The following POLR3C variants were observed in gnomAD, a reference collection of about 807,000 sequenced individuals.
POLR3C encodes the protein RNA polymerase III subunit C.
Under a neutral mutation model 65.9 loss-of-function variants are expected in POLR3C, and 44 were observed. That is an observed-to-expected ratio of 0.67 (90% CI 0.52 to 0.86). POLR3C has a LOEUF of 0.86. Among genes scored for constraint, POLR3C ranks in the 40% least tolerant of loss-of-function variants. The probability of loss-of-function intolerance (pLI) is 0.00; values close to 1 mark genes in which losing one functional copy is unlikely to be tolerated. For missense variants in POLR3C, 576 were observed against 653.2 expected, an observed-to-expected ratio of 0.88 and a Z score of 1.29; for synonymous variants, 263 against 231.6, an observed-to-expected ratio of 1.14 and a Z score of -1.23.
At chr1:145,835,693 C>T (rs144432379) in intron 7 of POLR3C, among the ~76,000 whole-genome samples, 2 of 152,044 alleles carry the variant, frequency 1.3e-5, no homozygotes, top group East Asian at 3.9e-4. Context: ...TCCTGCTCAT[C>T]CTTCCGAGTA....
At position 145,826,526 on chromosome 1, in the gene POLR3C, G is replaced by A. The variant is rs1650762476; in HGVS notation, c.220G>A (p.Glu74Lys). ...TCAAGTGCACAAACGTGGTGTGGTG[G>A]AGTATGAAGCCCAGTGCAGCCGGGT... Reference protein sequence around the residue: ...SYQVHKRGVVEYEAQCSRVLR... With the variant: ...SYQVHKRGVVKYEAQCSRVLR... Residue 74 changes from glutamate to lysine, a missense_variant, in exon 3 of 15, where the codon GAG (glutamate) becomes AAG (lysine). By Grantham distance (56) the Glu-to-Lys change is moderately conservative. Coordinates refer to ENST00000334163, the MANE Select transcript of POLR3C (RefSeq NM_006468.8). The A allele has an allele frequency of 6.2e-7, 1 of 1,613,892 alleles. No individual in the cohort carries two copies. The highest frequency in any genetic ancestry group is 8.5e-7 in the Non-Finnish European group (1 of 1,179,976).
intron 13 of POLR3C, among the ~76,000 whole-genome samples, chr1:145,840,585 G>A (rs1247029025): frequency 1.3e-5 from 2 of 152,040 alleles, no homozygotes; most frequent in Non-Finnish European, 2.9e-5. Flanking sequence ...AGTAGAGATA[G>A]CAACCAGTCT....
rs782173122 is a variant in POLR3C at position 145,842,389 on chromosome 1, C to T, written c.1574C>T (p.Ser525Phe). 3 of 1,611,166 alleles carry T rather than the reference C, an allele frequency of 1.9e-6. No homozygotes were observed. Among genetic ancestry groups the T allele is most frequent in the Non-Finnish European group, 2.5e-6 (3 of 1,177,850 alleles). Residue 525 changes from serine (S) to phenylalanine (F), a missense_variant, in exon 15 of 15, where the codon TCT (serine) becomes TTT (phenylalanine). Coordinates refer to ENST00000334163, the MANE Select transcript of POLR3C (RefSeq NM_006468.8). ...QVDETIFLLE[S>F]YIECTMKRQ ...GACGAAACCATCTTCCTGCTGGAGT[C>T]TTACATTGAGTGCACCATGAAGAGA...
At chr1:145,824,928 A>G (rs1650579721) in intron 1 of POLR3C, among the ~76,000 whole-genome samples, 1 of 152,142 alleles carries the variant, frequency 6.6e-6, no homozygotes, top group African/African-American at 2.4e-5. Flanking sequence ...AAGGTCTGTG[A>G]CAGACCGCAA....
chr1:145,843,906 C>T lies in POLR3C; in HGVS notation c.*1486C>T, dbSNP rs145897960. 4.1e-4 allele frequency among the ~76,000 whole-genome samples: 62 copies of T among 152,122 alleles called. No individual in the cohort carries two copies. The highest frequency in any genetic ancestry group is 1.5e-3 in the African/African-American group (61 of 41,464). On this transcript the variant is annotated 3_prime_UTR_variant, in exon 15 of 15. Transcript: ENST00000334163. ...TTTCGAAAGAAGATACACAAATGGC[C>T]GACAGATACATCAAAAAATGTTCAA... is the stretch of plus-strand genomic sequence containing the variant.
Position 145,826,892 on chromosome 1 carries a change from G to A in POLR3C, c.476G>A (p.Arg159His), listed in dbSNP as rs200282639. ...CTGGCAGACACACACTTTGTACAAC[G>A]CTGCCCTTCGGTACCTACCACTGAG... ...VRLADTHFVQ[R>H]CPSVPTTENS... Residue 159 changes from arginine to histidine, a missense_variant, in exon 4 of 15, where the codon CGC becomes CAC. Coordinates refer to ENST00000334163, the MANE Select transcript of POLR3C (RefSeq NM_006468.8). 6.6e-5 allele frequency: 106 copies of A among 1,613,296 alleles called. No individual in the cohort carries two copies. Among genetic ancestry groups the A allele is most frequent in the Admixed American group, 5.0e-4 (30 of 59,768 alleles).
intron 14 of POLR3C, 29 bp from the exon 15 acceptor site, chr1:145,842,310 C>T: frequency 7.2e-7 from 1 of 1,397,232 alleles, no homozygotes; most frequent in Non-Finnish European, 1.0e-6. Context: ...AACATTCAGT[C>T]TAGGCAAATG....
At position 145,843,839 on chromosome 1, in the gene POLR3C, ACAATC is replaced by A. The variant is rs1371993022; in HGVS notation, c.*1423_*1427del. 6.6e-6 allele frequency among the ~76,000 whole-genome samples: 1 copy of A among 152,214 alleles called. No individual in the cohort carries two copies. Among genetic ancestry groups the A allele is most frequent in the African/African-American group, 2.4e-5 (1 of 41,460 alleles). On this transcript the variant is annotated 3_prime_UTR_variant, in exon 15 of 15. Transcript: ENST00000334163. The stretch of plus-strand genomic sequence containing the variant: ...AGGAGCTCAAACAATAGCAAAAAGA[ACAATC>A]CAACTTAAAAATGGCCAAAAGATCT...
rs199759380 is a variant in POLR3C, at chr1:145,837,632, C to T, written c.1070+36C>T. ...CACTGGTTGGGTTTGGGATCACATACTTCCTATCCCCAGTGAAGTAATTTG... is the reference window on the plus strand; with the variant it reads ...CACTGGTTGGGTTTGGGATCACATATTTCCTATCCCCAGTGAAGTAATTTG... On this transcript the variant is annotated intron_variant, in intron 10 of 14. Transcript: ENST00000334163. 883 of 1,290,592 alleles carry T rather than the reference C, an allele frequency of 6.8e-4. 2 individuals carry two copies. The highest frequency in any genetic ancestry group is 2.2e-3 in the Middle Eastern group (12 of 5,492). The allele number at this position is 1,290,592 out of a possible 1,614,324, so 79.9% of individuals were successfully genotyped here. A position where few individuals can be genotyped will look rare whatever the true frequency, so the allele number is the denominator to read the frequency against.
intron 14 of POLR3C, among the ~76,000 whole-genome samples, chr1:145,841,753 A>G (rs1454416709): frequency 2.0e-5 from 3 of 151,776 alleles, no homozygotes; most frequent in Non-Finnish European, 4.4e-5. Flanking sequence ...TCATCCATGA[A>G]TAGAGAGAGT....
rs1650999665 is a variant in POLR3C, at chr1:145,828,685, A to ATGTT, written c.590-61_590-58dup. 3.5e-6 allele frequency: 4 copies of ATGTT among 1,132,680 alleles called. No homozygotes were observed. The Admixed American group carries it at 5.1e-5, about 14-fold the overall frequency. 70.2% of individuals were successfully genotyped at this position (1,132,680 alleles called of 1,614,324 possible). On this transcript the variant is annotated intron_variant, in intron 4 of 14. Transcript: ENST00000334163. ...TTTGGAATGAAAGACACCTGCTCTC[A>ATGTT]TGTTTGGTCATTTCCTGTCATCATA...
intron 7 of POLR3C, among the ~76,000 whole-genome samples, chr1:145,835,881 AT>A (rs1441427854): frequency 1.3e-5 from 2 of 152,258 alleles, no homozygotes; most frequent in Admixed American, 1.3e-4. Flanking sequence ...CAACCTAGTC[AT>A]ACTGTTCTAT....
At chr1:145,835,730 C>A (rs1474999219) in intron 7 of POLR3C, among the ~76,000 whole-genome samples, 1 of 151,988 alleles carries the variant, frequency 6.6e-6, no homozygotes, top group African/African-American at 2.4e-5. Flanking sequence ...CATGCCACCA[C>A]GCCAGGCTAA....
At chr1:145,839,816 G>T in intron 11 of POLR3C, 74 bp from the exon 12 acceptor site, 1 of 807,394 alleles carries the variant, frequency 1.2e-6, no homozygotes, top group South Asian at 1.5e-5. Context: ...GTAACTCCAG[G>T]TAGAATGAGT....
intron 5 of POLR3C, among the ~76,000 whole-genome samples, chr1:145,831,759 C>T (rs1553727252): frequency 2.0e-5 from 3 of 152,092 alleles, no homozygotes; most frequent in Admixed American, 6.6e-5. Context: ...AAAATGGTGT[C>T]GGCCAGGCCC....
chr1:145,833,805 G>A (rs782459247), intron 7 of POLR3C, among the ~76,000 whole-genome samples: 9 of 152,130 alleles, frequency 5.9e-5, no homozygotes, highest in East Asian at 5.8e-4. Flanking sequence ...GTATCTATTC[G>A]TCAAGTACAG....
At chr1:145,840,494 C>A in intron 13 of POLR3C, 1 of 290,186 alleles carries the variant, frequency 3.4e-6, no homozygotes, top group Non-Finnish European at 6.5e-6. Flanking sequence ...GAACCAAGAT[C>A]ACGCCACTGC....
intron 4 of POLR3C, among the ~76,000 whole-genome samples, chr1:145,827,893 A>C (rs1319688487): frequency 1.3e-5 from 2 of 151,858 alleles, no homozygotes; most frequent in Non-Finnish European, 2.9e-5. Context: ...GCACCACTGT[A>C]CTCCAGCCTG....
Position 145,836,798 on chromosome 1 carries a change from T to A in POLR3C, c.958-17T>A. The A allele has an allele frequency of 6.5e-7, 1 of 1,544,046 alleles. No individual in the cohort carries two copies. Among genetic ancestry groups the A allele is most frequent in the Non-Finnish European group, 8.9e-7 (1 of 1,118,396 alleles). On this transcript the variant is annotated splice_polypyrimidine_tract_variant and intron_variant, in intron 8 of 14. Transcript: ENST00000334163. ...TGGACTTTCCGTTCAGTTAACACTCTCTCTTTTTCTTAATAGCTAGAGTTT... is the reference window on the plus strand; with the variant it reads ...TGGACTTTCCGTTCAGTTAACACTCACTCTTTTTCTTAATAGCTAGAGTTT...
Sources: allele counts gnomAD v4.1 joint callset (sites outside exome capture counted in the v4.1 genomes callset), GRCh38; gene constraint gnomAD v4.1.1; transcripts MANE v1.5; gene names NCBI Gene and HGNC (gene_info 2026-07-23, HGNC 2026-07-21).